Variants in HEMGN observed in about 807,000 individuals in gnomAD.
HEMGN encodes the protein hemogen, also known as erythroid differentiation-associated gene protein.
In HEMGN, 32 loss-of-function variants were observed where a neutral mutation model predicts 45.7. That is an observed-to-expected ratio of 0.70 (90% CI 0.53 to 0.94). The LOEUF (loss-of-function observed/expected upper bound fraction) is 0.94. Among genes scored for constraint, HEMGN ranks in the 40% least tolerant of loss-of-function variants. The probability of loss-of-function intolerance (pLI) is 0.00; values close to 1 mark genes in which losing one functional copy is unlikely to be tolerated. For synonymous variants in HEMGN, 183 were observed against 178.6 expected (o/e 1.02, Z -0.20); for missense variants, 530 against 564.2 (o/e 0.94, Z 0.61).
At chr9:97,943,352 AG>A (rs369435876) in intron 1 of HEMGN, among the ~76,000 whole-genome samples, 190 of 152,304 alleles carry the variant, frequency 1.2e-3, no homozygotes, top group African/African-American at 4.4e-3. Context: ...ACTTTTTCAA[AG>A]CTTTTAAATA....
In HEMGN at chr9:97,936,353, C is replaced by G. The variant is rs147961308; in HGVS notation, c.80-89G>C. The G allele has an allele frequency of 1.0e-4, 87 of 830,934 alleles. No homozygotes were observed. The East Asian group carries it at 2.1e-3, about 20-fold the overall frequency. The allele number at this position is 830,934 out of a possible 1,614,324, so 51.5% of individuals were successfully genotyped here. A position where few individuals can be genotyped will look rare whatever the true frequency, so the allele number is the denominator to read the frequency against. On this transcript the variant is annotated intron_variant, in intron 1 of 3. Coordinates refer to ENST00000616898, the MANE Select transcript of HEMGN (RefSeq NM_197978.3). ...GTAGCCAAGTGGCAGAGTCTCTGTT[C>G]TAGGTTTTTCTCCTAGCTTTTTGAG...
At chr9:97,939,716 T>G (rs1042132386), upstream of HEMGN, among the ~76,000 whole-genome samples, 2 of 152,178 alleles carry the variant, frequency 1.3e-5, no homozygotes, top group Non-Finnish European at 2.9e-5. Flanking sequence ...TCAAACACAC[T>G]AAAGGGTATC....
Position 97,930,478 on chromosome 9 carries a change from TC to T in HEMGN, c.916del (p.Glu306SerfsTer51). The T allele has an allele frequency of 6.2e-7, 1 of 1,614,114 alleles. No individual in the cohort carries two copies. The highest frequency in any genetic ancestry group is 8.5e-7 in the Non-Finnish European group (1 of 1,179,984). The part of the protein sequence containing the change: ...GLFPKIQEIA[E>X]PKDLSTKTHQ... ...TGTTTTTGTAGAAAGGTCTTTAGGC[TC>T]AGCTATTTCTTGTATTTTAGGAAAA... On this transcript the variant is annotated frameshift_variant, in exon 3 of 4. Transcript: ENST00000616898. LOFTEE classifies it high-confidence loss of function.
rs10984401 is a variant in HEMGN, at chr9:97,927,176, C to G, written c.*208G>C. On this transcript the variant is annotated 3_prime_UTR_variant, in exon 4 of 4. Transcript: ENST00000616898. The stretch of plus-strand genomic sequence containing the variant: ...CCCGACCTATACATACATACACACA[C>G]ACACACACACACACACACACACATT... The G allele has an allele frequency of 1.2e-4, 23 of 197,514 alleles. No homozygotes were observed. Among genetic ancestry groups the G allele is most frequent in the Middle Eastern group, 1.5e-3 (1 of 666 alleles). 12.2% of individuals were successfully genotyped at this position (197,514 alleles called of 1,614,324 possible).
rs770629296 is a variant in HEMGN, at chr9:97,931,039, G to A, written c.356C>T (p.Pro119Leu). The change falls in exon 3 of 4, where the codon CCT becomes CTT. Residue 119 changes from proline to leucine, a missense_variant. By Grantham distance (98) the Pro-to-Leu change is moderately conservative. Coordinates refer to ENST00000616898, the MANE Select transcript of HEMGN (RefSeq NM_197978.3). ...EPPGSITKVF[P>L]SVASPQKVVP... is the part of the protein sequence containing the mutation. Reference sequence around the variant, plus strand: ...AACTTTTTGCGGGGAGGCTACTGAAGGAAATACTTTGGTTATGCTCCCAGG... The same window carrying A: ...AACTTTTTGCGGGGAGGCTACTGAAAGAAATACTTTGGTTATGCTCCCAGG... 6.2e-7 allele frequency: 1 copy of A among 1,614,096 alleles called. No individual in the cohort carries two copies.
At chr9:97,943,938 C>T (rs1285484438) in intron 1 of HEMGN, among the ~76,000 whole-genome samples, 2 of 152,098 alleles carry the variant, frequency 1.3e-5, no homozygotes, top group Non-Finnish European at 2.9e-5. Flanking sequence ...ATTTGCTCCA[C>T]TTTTGGCCTC....
upstream of HEMGN, among the ~76,000 whole-genome samples, chr9:97,941,532 A>C (rs901748093): frequency 1.3e-5 from 2 of 152,226 alleles, no homozygotes; most frequent in Admixed American, 6.5e-5. Flanking sequence ...AGAGATAATT[A>C]AGGTTTGGAT....
At position 97,938,057 on chromosome 9, in the gene HEMGN, C is replaced by T. The variant is rs1393447596; in HGVS notation, c.79+1G>A. The T allele has an allele frequency of 1.9e-6, 3 of 1,593,630 alleles. No individual in the cohort carries two copies. Among genetic ancestry groups the T allele is most frequent in the Non-Finnish European group, 2.6e-6 (3 of 1,165,796 alleles). ...CCAGCTCTTAAGGTATTTTTCATTA[C>T]CTGGAGAATGGTTCTCTTCTTGATG... On this transcript the variant is annotated splice_donor_variant, in intron 1 of 3. Coordinates refer to ENST00000616898, the MANE Select transcript of HEMGN (RefSeq NM_197978.3). LOFTEE classifies it high-confidence loss of function.
chr9:97,936,931 A>G (rs1300849675), intron 1 of HEMGN, among the ~76,000 whole-genome samples: 2 of 152,124 alleles, frequency 1.3e-5, no homozygotes, highest in Non-Finnish European at 2.9e-5. Context: ...TTGGAAAATT[A>G]AGGGTTTGAT....
Position 97,936,242 on chromosome 9 carries a change from C to T in HEMGN, c.102G>A (p.Leu34=). ...HSPEVIGTWS[L]RNRELLRKRK... ...TTTTTCTAAGTAGTTCTCTGTTTCT[C>T]AAACTCCAGGTTCCAATGACTTCTG... Residue 34 remains leucine, a synonymous_variant, in exon 2 of 4, where the codon TTG becomes TTA. Transcript: ENST00000616898. 1 of 1,611,176 alleles carries T rather than the reference C, an allele frequency of 6.2e-7. No individual in the cohort carries two copies. Among genetic ancestry groups the T allele is most frequent in the Non-Finnish European group, 8.5e-7 (1 of 1,178,288 alleles).
At chr9:97,935,024 T>G (rs531329180) in intron 2 of HEMGN, among the ~76,000 whole-genome samples, 17 of 152,248 alleles carry the variant, frequency 1.1e-4, no homozygotes, top group Non-Finnish European at 2.2e-4. Flanking sequence ...CCCTGGATGC[T>G]GGCTGAAAAG....
At chr9:97,936,631 A>G (rs1479851472) in intron 1 of HEMGN, among the ~76,000 whole-genome samples, 1 of 152,206 alleles carries the variant, frequency 6.6e-6, no homozygotes, top group East Asian at 1.9e-4. Flanking sequence ...TCCAGTCTTT[A>G]TATTACACAA....
chr9:97,928,247 C>G (rs981743594), intron 3 of HEMGN, among the ~76,000 whole-genome samples: 1 of 151,904 alleles, frequency 6.6e-6, no homozygotes, highest in Non-Finnish European at 1.5e-5. Flanking sequence ...AGAATGGTCT[C>G]GATCTCCTGA....
chr9:97,938,989 C>T (rs1011588104), upstream of HEMGN, among the ~76,000 whole-genome samples: 2 of 152,128 alleles, frequency 1.3e-5, no homozygotes, highest in African/African-American at 4.8e-5. Context: ...AGGAACCATC[C>T]TATCTCCAAG....
chr9:97,930,569 G>T lies in HEMGN; in HGVS notation c.826C>A (p.Gln276Lys). ...TATTCCTCTGGTTCTGCTGGATTTT[G>T]GTCTGTGTCAAGAATATAGCCTTTA... Reference protein sequence around the residue: ...VPKGYILDTDQNPAEPEEYNE... With the variant: ...VPKGYILDTDKNPAEPEEYNE... Residue 276 changes from glutamine (Q) to lysine (K), a missense_variant, in exon 3 of 4, where the codon CAA (glutamine) becomes AAA (lysine). Coordinates refer to ENST00000616898, the MANE Select transcript of HEMGN (RefSeq NM_197978.3). The T allele has an allele frequency of 6.2e-7, 1 of 1,614,082 alleles. No individual in the cohort carries two copies.
At chr9:97,939,197 G>C (rs1827116255), upstream of HEMGN, among the ~76,000 whole-genome samples, 1 of 152,188 alleles carries the variant, frequency 6.6e-6, no homozygotes, top group South Asian at 2.1e-4. Flanking sequence ...AGGCAGGTTA[G>C]ATAGCCTTGG....
upstream of HEMGN, among the ~76,000 whole-genome samples, chr9:97,939,606 A>G (rs1219778053): frequency 1.3e-5 from 2 of 152,194 alleles, no homozygotes. Context: ...TGCCAGCAGC[A>G]TCTCTTACAG....
rs1226360361 is a variant in HEMGN at position 97,926,822 on chromosome 9, G to T, written c.*562C>A. The T allele has an allele frequency of 6.6e-6, 1 of 152,512 alleles. No individual in the cohort carries two copies. Among genetic ancestry groups the T allele is most frequent in the Non-Finnish European group, 1.5e-5 (1 of 68,026 alleles). 9.4% of individuals were successfully genotyped at this position (152,512 alleles called of 1,614,324 possible). Reference sequence around the variant, plus strand: ...ATGTAATAATGATTTAATGTACATTGTGCACAAATACAATATTTAAAAAAT... The same window carrying T: ...ATGTAATAATGATTTAATGTACATTTTGCACAAATACAATATTTAAAAAAT... On this transcript the variant is annotated 3_prime_UTR_variant, in exon 4 of 4. Transcript: ENST00000616898.
chr9:97,927,549 G>T, intron 3 of HEMGN, 71 bp from the exon 4 acceptor site: 1 of 981,754 alleles, frequency 1.0e-6, no homozygotes, highest in Non-Finnish European at 1.6e-6. Context: ...CCATTTGGAG[G>T]AAGAAAAACT....
Sources: allele counts gnomAD v4.1 joint callset (sites outside exome capture counted in the v4.1 genomes callset), GRCh38; gene constraint gnomAD v4.1.1; transcripts MANE v1.5; gene names NCBI Gene and HGNC (gene_info 2026-07-23, HGNC 2026-07-21).